DIS3L2: variants seen among roughly 807,000 people sequenced by gnomAD.
DIS3L2 encodes DIS3-like exonuclease 2.
DIS3L2 carries 34 observed loss-of-function variants against 97.5 expected under a neutral mutation model. The ratio of observed to expected loss-of-function variants is 0.35; its 90% confidence interval spans 0.27 to 0.46. The LOEUF is 0.46. Among genes scored for constraint, DIS3L2 ranks in the 20% least tolerant of loss-of-function variants. DIS3L2 has a pLI of 1.00. For missense variants in DIS3L2, 1,038 were observed against 1,146.0 expected (o/e 0.91, Z 1.36); for synonymous variants, 435 against 445.2 (o/e 0.98, Z 0.29).
intron 11 of DIS3L2, among the ~76,000 whole-genome samples, chr2:232,240,159 C>G (rs1693041557): frequency 6.6e-6 from 1 of 152,144 alleles, no homozygotes; most frequent in South Asian, 2.1e-4. Flanking sequence ...GGAGGCCCTA[C>G]CTAGGAAGAC....
At chr2:232,312,587 C>T (rs1695167253) in intron 14 of DIS3L2, among the ~76,000 whole-genome samples, 1 of 152,222 alleles carries the variant, frequency 6.6e-6, no homozygotes, top group Admixed American at 6.5e-5. Flanking sequence ...TGGCCCATTC[C>T]ATTTCCATAT....
chr2:232,174,501 G>A (rs954708958), intron 9 of DIS3L2, among the ~76,000 whole-genome samples: 2 of 148,286 alleles, frequency 1.3e-5, no homozygotes, highest in Non-Finnish European at 3.0e-5. Context: ...CAGGAGAATC[G>A]CTTGAACCTG....
At chr2:231,999,730 A>C (rs1371414935) in intron 1 of DIS3L2, among the ~76,000 whole-genome samples, 5 of 152,200 alleles carry the variant, frequency 3.3e-5, no homozygotes, top group African/African-American at 1.2e-4. Context: ...TAAATACTGT[A>C]CCCCACAGTT....
intron 11 of DIS3L2, among the ~76,000 whole-genome samples, chr2:232,243,103 G>C (rs1218917740): frequency 6.6e-6 from 1 of 152,210 alleles, no homozygotes; most frequent in Non-Finnish European, 1.5e-5. Flanking sequence ...GGTTGTATCT[G>C]CCTGGGCTGG....
intron 9 of DIS3L2, among the ~76,000 whole-genome samples, chr2:232,197,839 G>A (rs187652723): frequency 3.7e-4 from 56 of 151,890 alleles, no homozygotes; most frequent in East Asian, 2.7e-3. Flanking sequence ...GGTGGCACGT[G>A]CTCCTAGCTA....
chr2:232,305,520 G>A (rs1694965019), intron 14 of DIS3L2, among the ~76,000 whole-genome samples: 1 of 151,964 alleles, frequency 6.6e-6, no homozygotes, highest in Non-Finnish European at 1.5e-5. Flanking sequence ...AATTATTTTG[G>A]TTGTATTTAT....
At chr2:232,074,875 A>G (rs1306810777) in intron 5 of DIS3L2, among the ~76,000 whole-genome samples, 1 of 152,012 alleles carries the variant, frequency 6.6e-6, no homozygotes, top group East Asian at 1.9e-4. Flanking sequence ...GAGCCACCAC[A>G]CCTGGCCGAG....
intron 14 of DIS3L2, among the ~76,000 whole-genome samples, chr2:232,326,230 G>T (rs936830967): frequency 3.3e-5 from 5 of 152,170 alleles, no homozygotes; most frequent in African/African-American, 1.2e-4. Flanking sequence ...GAATTGACAG[G>T]GTGGGGGACT....
intron 14 of DIS3L2, among the ~76,000 whole-genome samples, chr2:232,319,017 C>T (rs1348827268): frequency 1.3e-5 from 2 of 152,256 alleles, no homozygotes; most frequent in Non-Finnish European, 2.9e-5. Context: ...TTTCTCAGAA[C>T]TCCTACTGCC....
intron 13 of DIS3L2, among the ~76,000 whole-genome samples, chr2:232,275,026 G>T (rs1256862392): frequency 6.6e-6 from 1 of 152,050 alleles, no homozygotes; most frequent in South Asian, 2.1e-4. Context: ...CCTGGTGTGG[G>T]TGTTCCCTGC....
chr2:232,166,586 C>A (rs955276560), intron 9 of DIS3L2, among the ~76,000 whole-genome samples: 3 of 150,990 alleles, frequency 2.0e-5, no homozygotes, highest in African/African-American at 7.3e-5. Context: ...CATAGTAGTA[C>A]GCGCCTGTAG....
intron 5 of DIS3L2, among the ~76,000 whole-genome samples, chr2:232,085,640 C>T (rs1696553930): frequency 6.6e-6 from 1 of 152,054 alleles, no homozygotes; most frequent in Non-Finnish European, 1.5e-5. Context: ...ACAAAATCTG[C>T]TGCTTTTTTG....
chr2:232,115,335 A>G (rs1437271747), intron 6 of DIS3L2, among the ~76,000 whole-genome samples: 2 of 152,156 alleles, frequency 1.3e-5, no homozygotes, highest in African/African-American at 4.8e-5. Flanking sequence ...CCTAATTCTG[A>G]CAATTATTTG....
At chr2:232,042,933 T>G (rs1267026795) in intron 5 of DIS3L2, among the ~76,000 whole-genome samples, 1 of 152,224 alleles carries the variant, frequency 6.6e-6, no homozygotes, top group Non-Finnish European at 1.5e-5. Context: ...CTACTATTAG[T>G]CTTAGAAATG....
At chr2:232,270,400 T>C (rs189025651) in intron 13 of DIS3L2, among the ~76,000 whole-genome samples, 1 of 152,362 alleles carries the variant, frequency 6.6e-6, no homozygotes, top group East Asian at 1.9e-4. Flanking sequence ...AACATATGTA[T>C]AGTTTTTATT....
At chr2:232,247,709 A>G (rs1467562965) in intron 11 of DIS3L2, among the ~76,000 whole-genome samples, 6 of 146,360 alleles carry the variant, frequency 4.1e-5, no homozygotes, top group African/African-American at 1.5e-4. Context: ...TCATTCAACC[A>G]CGAGATGGTA....
chr2:232,100,675 T>A (rs919600154), intron 6 of DIS3L2, among the ~76,000 whole-genome samples: 5 of 152,136 alleles, frequency 3.3e-5, no homozygotes, highest in Admixed American at 3.3e-4. Context: ...TATTTTTTGT[T>A]AATGTTTAAT....
intron 6 of DIS3L2, among the ~76,000 whole-genome samples, chr2:232,099,484 G>A (rs946198009): frequency 6.6e-6 from 1 of 152,006 alleles, no homozygotes; most frequent in African/African-American, 2.4e-5. Context: ...CAAAGTGCTG[G>A]GATTACAGGC....
chr2:231,988,373 G>A (rs963366130), intron 1 of DIS3L2, among the ~76,000 whole-genome samples: 3 of 152,198 alleles, frequency 2.0e-5, no homozygotes, highest in South Asian at 2.1e-4. Context: ...TCTTTGTAGG[G>A]CCTCTCTCAG....
Sources: allele counts gnomAD v4.1 joint callset (sites outside exome capture counted in the v4.1 genomes callset), GRCh38; gene constraint gnomAD v4.1.1; transcripts MANE v1.5; gene names NCBI Gene and HGNC (gene_info 2026-07-23, HGNC 2026-07-21).